The following PCDHGA2 variants were observed in gnomAD, a reference collection of about 807,000 sequenced individuals.
PCDHGA2 encodes protocadherin gamma subfamily A, 2.
PCDHGA2 carries 40 observed loss-of-function variants against 59.2 expected under a neutral mutation model. That is an observed-to-expected ratio of 0.68 (90% confidence interval 0.52 to 0.88). The LOEUF is 0.88. PCDHGA2 is among the 40% of genes least tolerant of loss of function. The pLI, the probability that PCDHGA2 is intolerant of heterozygous loss-of-function variation, is 0.00. For missense variants in PCDHGA2, 1,226 were observed against 1,204.0 expected (o/e 1.02, Z -0.27); for synonymous variants, 560 against 526.0 (o/e 1.06, Z -0.89).
chr5:141,450,633 C>T (rs751572851), intron 1 of PCDHGA2, among the ~76,000 whole-genome samples: 2 of 149,416 alleles, frequency 1.3e-5, no homozygotes, highest in East Asian at 2.0e-4. Flanking sequence ...ATTACAGATG[C>T]CTGCCACCAT....
At position 141,447,667 on chromosome 5, in the gene PCDHGA2, G is replaced by A. The variant is rs115529144; in HGVS notation, c.2425-47140G>A. 2.4e-3 allele frequency among the ~76,000 whole-genome samples: 372 copies of A among 152,278 alleles called. 2 individuals are homozygous for A. Among genetic ancestry groups the A allele is most frequent in the African/African-American group, 8.6e-3 (358 of 41,546 alleles). The stretch of plus-strand genomic sequence containing the variant: ...TAGAATTTTCCCCCCCAGGAAGTTA[G>A]AACTGTTCCATATCTTGATAGAGGG... On this transcript the variant is annotated intron_variant, in intron 1 of 3. Transcript: ENST00000394576.
chr5:141,415,102 A>G, intron 1 of PCDHGA2: 2 of 1,613,550 alleles, frequency 1.2e-6, no homozygotes, highest in Non-Finnish European at 8.5e-7. Flanking sequence ...AGACGCGCTC[A>G]AGCAAAGCCT....
At chr5:141,430,991 A>T (rs2097333608) in intron 1 of PCDHGA2, 1 of 1,613,980 alleles carries the variant, frequency 6.2e-7, no homozygotes, top group African/African-American at 1.3e-5. Context: ...TTTCGCCCTG[A>T]ATCCGCGCAG....
At position 141,350,430 on chromosome 5, in the gene PCDHGA2, G is replaced by A. The variant is rs769353290; in HGVS notation, c.2424+9035G>A. Reference sequence around the variant, plus strand: ...GCCAAGGATCTGGGGCTCAGTGTCCGGGAGTTGCCAACTCGAAAACTGCGG... The same window carrying A: ...GCCAAGGATCTGGGGCTCAGTGTCCAGGAGTTGCCAACTCGAAAACTGCGG... On this transcript the variant is annotated intron_variant, in intron 1 of 3. Coordinates refer to ENST00000394576, the MANE Select transcript of PCDHGA2 (RefSeq NM_018915.4). The A allele has an allele frequency of 2.2e-5, 35 of 1,610,006 alleles. No homozygotes were observed. Among genetic ancestry groups the A allele is most frequent in the Middle Eastern group, 1.6e-4 (1 of 6,072 alleles).
chr5:141,360,897 C>T, intron 1 of PCDHGA2: 4 of 1,614,016 alleles, frequency 2.5e-6, no homozygotes, highest in African/African-American at 1.3e-5. Context: ...TGAGGGAGGA[C>T]GTGCCGCCGG....
chr5:141,479,435 G>C (rs2099495981), intron 1 of PCDHGA2: 1 of 152,218 alleles, frequency 6.6e-6, no homozygotes, highest in Non-Finnish European at 1.5e-5. Context: ...TCAATCCACT[G>C]TCTGCACTAA....
intron 1 of PCDHGA2, among the ~76,000 whole-genome samples, 197 bp from the exon 2 acceptor site, chr5:141,494,610 T>C (rs1428159953): frequency 6.6e-6 from 1 of 152,152 alleles, no homozygotes; most frequent in Non-Finnish European, 1.5e-5. Flanking sequence ...GATTTATCTC[T>C]TGGTTTCTGG....
Position 141,339,953 on chromosome 5 carries a change from C to T in PCDHGA2, c.982C>T (p.Leu328=). Residue 328 remains leucine, a synonymous_variant, in exon 1 of 4, where the codon CTA becomes TTA. Transcript: ENST00000394576. ...DIEAQDGPGL[L]TRAKVIVTVL... ...TGAAGCTCAGGATGGTCCGGGCCTT[C>T]TAACCAGAGCGAAGGTTATCGTCAC... The T allele has an allele frequency of 1.2e-6, 2 of 1,614,142 alleles. No individual in the cohort carries two copies. Among genetic ancestry groups the T allele is most frequent in the East Asian group, 2.2e-5 (1 of 44,888 alleles).
At chr5:141,369,961 C>G (rs1766581774) in intron 1 of PCDHGA2, among the ~76,000 whole-genome samples, 1 of 152,090 alleles carries the variant, frequency 6.6e-6, no homozygotes, top group African/African-American at 2.4e-5. Flanking sequence ...TGCCCTTTGA[C>G]AAGTAAAAGG....
At chr5:141,388,906 A>G (rs943139475) in intron 1 of PCDHGA2, 5 of 1,613,898 alleles carry the variant, frequency 3.1e-6, no homozygotes, top group African/African-American at 2.7e-5. Flanking sequence ...GAAAATGACA[A>G]CGCCCCAGAA....
chr5:141,356,149 A>G (rs778376727), intron 1 of PCDHGA2: 40 of 1,613,418 alleles, frequency 2.5e-5, no homozygotes, highest in Non-Finnish European at 3.2e-5. Flanking sequence ...ATTCTATGAC[A>G]TAGATGTAGA....
intron 1 of PCDHGA2, chr5:141,422,951 G>C (rs1382138030): frequency 3.7e-6 from 6 of 1,614,236 alleles, no homozygotes; most frequent in South Asian, 3.3e-5. Flanking sequence ...GGCTCCACTG[G>C]CGTGGAGCTG....
intron 1 of PCDHGA2, chr5:141,418,083 T>C: frequency 6.2e-7 from 1 of 1,614,068 alleles, no homozygotes; most frequent in Non-Finnish European, 8.5e-7. Context: ...AAGCTGCACT[T>C]CAGCGTAGAC....
intron 1 of PCDHGA2, chr5:141,426,793 A>G: frequency 2.2e-6 from 1 of 456,734 alleles, no homozygotes; most frequent in South Asian, 1.5e-5. Context: ...CAGAGTTACC[A>G]GCTCAGTTCT....
chr5:141,352,591 G>C, intron 1 of PCDHGA2: 1 of 1,613,590 alleles, frequency 6.2e-7, no homozygotes, highest in Non-Finnish European at 8.5e-7. Flanking sequence ...AGGATCTGCT[G>C]TGTGATGATC....
At chr5:141,433,395 C>CTATA (rs1426636882) in intron 1 of PCDHGA2, among the ~76,000 whole-genome samples, 2 of 150,654 alleles carry the variant, frequency 1.3e-5, no homozygotes, top group African/African-American at 4.9e-5. Context: ...ATCTATCTAT[C>CTATA]TATCTATCTA....
At chr5:141,478,500 T>G in intron 1 of PCDHGA2, 1 of 1,612,740 alleles carries the variant, frequency 6.2e-7, no homozygotes, top group Non-Finnish European at 8.5e-7. Flanking sequence ...TGTGATCCGG[T>G]GTTCTATAGG....
intron 1 of PCDHGA2, among the ~76,000 whole-genome samples, chr5:141,436,701 A>C (rs571525375): frequency 6.9e-4 from 105 of 152,332 alleles, no homozygotes; most frequent in Non-Finnish European, 9.4e-4. Context: ...ATGCCAGCAC[A>C]CTCGATGTTC....
At chr5:141,467,373 T>C (rs2099143070) in intron 1 of PCDHGA2, among the ~76,000 whole-genome samples, 1 of 152,064 alleles carries the variant, frequency 6.6e-6, no homozygotes, top group Non-Finnish European at 1.5e-5. Context: ...TTTCTTATAT[T>C]GCATTTAGGT....
Sources: allele counts gnomAD v4.1 joint callset (sites outside exome capture counted in the v4.1 genomes callset), GRCh38; gene constraint gnomAD v4.1.1; transcripts MANE v1.5; gene names NCBI Gene and HGNC (gene_info 2026-07-23, HGNC 2026-07-21).